Variants in TNFRSF21 observed in about 807,000 individuals in gnomAD.
TNFRSF21 encodes tumor necrosis factor receptor superfamily member 21.
A neutral mutation model predicts 45.6 loss-of-function variants in TNFRSF21; 19 were observed. The ratio of observed to expected loss-of-function variants is 0.42; its 90% CI spans 0.29 to 0.61. The LOEUF is 0.61. TNFRSF21 is among the 20% of genes least tolerant of loss of function. The pLI, the probability that TNFRSF21 is intolerant of heterozygous loss-of-function variation, is 0.23. For missense variants in TNFRSF21, 737 were observed against 851.5 expected (o/e 0.87, Z 1.67); for synonymous variants, 314 against 335.5 (o/e 0.94, Z 0.70).
At chr6:47,286,910 G>A (rs1346773866) in intron 1 of TNFRSF21, among the ~76,000 whole-genome samples, 1 of 152,244 alleles carries the variant, frequency 6.6e-6, no homozygotes, top group African/African-American at 2.4e-5. Flanking sequence ...AAAATCAGTT[G>A]AGAATATGTA....
chr6:47,231,610 C>A lies in TNFRSF21; in HGVS notation c.*1155G>T, dbSNP rs1356251923. ...GATATCGGTCCTTCACCACTACCCA[C>A]AAACCCCACCCACACAAAGGGAGTC... On this transcript the variant is annotated 3_prime_UTR_variant, in exon 6 of 6. Coordinates refer to ENST00000296861, the MANE Select transcript of TNFRSF21 (RefSeq NM_014452.5). 1.3e-5 allele frequency: 2 copies of A among 152,622 alleles called. No homozygotes were observed. The highest frequency in any genetic ancestry group is 2.9e-5 in the Non-Finnish European group (2 of 68,034). 9.5% of individuals were successfully genotyped at this position (152,622 alleles called of 1,614,324 possible). A position where few individuals can be genotyped will look rare whatever the true frequency, so the allele number is the denominator to read the frequency against.
intron 4 of TNFRSF21, among the ~76,000 whole-genome samples, chr6:47,244,241 G>A (rs1186011142): frequency 3.4e-5 from 5 of 148,558 alleles, no homozygotes; most frequent in Admixed American, 1.4e-4. Context: ...GGAGAATGGC[G>A]TGAACCCGGG....
chr6:47,282,362 C>T (rs1449840554), intron 3 of TNFRSF21, among the ~76,000 whole-genome samples: 2 of 127,930 alleles, frequency 1.6e-5, no homozygotes, highest in Non-Finnish European at 3.2e-5. Flanking sequence ...CCAGCCTGAG[C>T]AACAAGAGCT....
chr6:47,262,550 G>A (rs1765088539), intron 3 of TNFRSF21, among the ~76,000 whole-genome samples: 2 of 152,230 alleles, frequency 1.3e-5, no homozygotes, highest in Admixed American at 1.3e-4. Context: ...GTGTTAGATA[G>A]GGAGGAGAGC....
intron 4 of TNFRSF21, among the ~76,000 whole-genome samples, chr6:47,239,310 A>AAG (rs1764712587): frequency 6.9e-6 from 1 of 145,224 alleles, no homozygotes; most frequent in African/African-American, 2.5e-5. Flanking sequence ...AAAAAAAAAA[A>AAG]GGAAACTGAA....
At chr6:47,236,579 C>T (rs759198082) in intron 4 of TNFRSF21, among the ~76,000 whole-genome samples, 2 of 152,210 alleles carry the variant, frequency 1.3e-5, no homozygotes, top group African/African-American at 2.4e-5. Flanking sequence ...GTTCCAACAG[C>T]GTTTTTCCTC....
At chr6:47,241,055 T>G (rs559856863) in intron 4 of TNFRSF21, among the ~76,000 whole-genome samples, 1 of 152,318 alleles carries the variant, frequency 6.6e-6, no homozygotes, top group East Asian at 1.9e-4. Context: ...TCTATAGGCC[T>G]ATACAGGCAT....
At chr6:47,288,959 C>T (rs1209993276) in intron 1 of TNFRSF21, among the ~76,000 whole-genome samples, 3 of 152,108 alleles carry the variant, frequency 2.0e-5, no homozygotes, top group South Asian at 2.1e-4. Flanking sequence ...CAAAGCTAGA[C>T]CCAGCAAGAG....
chr6:47,308,625 C>G (rs1762971780), intron 1 of TNFRSF21, among the ~76,000 whole-genome samples: 1 of 152,270 alleles, frequency 6.6e-6, no homozygotes, highest in Non-Finnish European at 1.5e-5. Flanking sequence ...TGCAGGGTCA[C>G]CTGCCTAGCC....
At chr6:47,264,610 C>T (rs77052845) in intron 3 of TNFRSF21, among the ~76,000 whole-genome samples, 16,008 of 152,158 alleles carry the variant, frequency 0.11, 897 homozygotes, top group East Asian at 0.15. Context: ...TCTCTGACTC[C>T]CAAGGTCGAA....
At chr6:47,267,067 A>G (rs941182701) in intron 3 of TNFRSF21, among the ~76,000 whole-genome samples, 2 of 149,776 alleles carry the variant, frequency 1.3e-5, no homozygotes, top group East Asian at 2.0e-4. Flanking sequence ...CAGACTACCC[A>G]TGCCACAGTC....
chr6:47,284,831 A>G (rs1762623574), intron 2 of TNFRSF21, among the ~76,000 whole-genome samples: 1 of 152,208 alleles, frequency 6.6e-6, no homozygotes, highest in African/African-American at 2.4e-5. Flanking sequence ...CCACCTTTTG[A>G]CTATTTTATG....
At chr6:47,301,644 C>G (rs894362987) in intron 1 of TNFRSF21, among the ~76,000 whole-genome samples, 1 of 152,090 alleles carries the variant, frequency 6.6e-6, no homozygotes, top group South Asian at 2.1e-4. Flanking sequence ...CCTACCAGAG[C>G]TGGTTGCTTA....
At chr6:47,239,923 A>G (rs752243968) in intron 4 of TNFRSF21, among the ~76,000 whole-genome samples, 1 of 152,214 alleles carries the variant, frequency 6.6e-6, no homozygotes, top group Admixed American at 6.5e-5. Context: ...CTGCTCAACG[A>G]AAGTTTACCA....
At chr6:47,256,247 G>T (rs1312996468) in intron 3 of TNFRSF21, among the ~76,000 whole-genome samples, 8 of 152,098 alleles carry the variant, frequency 5.3e-5, no homozygotes, top group Admixed American at 3.9e-4. Flanking sequence ...TAGAATGGAT[G>T]GGCAGGGTGG....
At chr6:47,249,816 T>G (rs185175046) in intron 4 of TNFRSF21, among the ~76,000 whole-genome samples, 56 of 152,276 alleles carry the variant, frequency 3.7e-4, no homozygotes, top group Admixed American at 1.4e-3. Flanking sequence ...GCATGTGTGT[T>G]GTAATCCCTT....
chr6:47,232,734 A>G lies in TNFRSF21; in HGVS notation c.*31T>C, dbSNP rs769141970. The G allele has an allele frequency of 8.1e-6, 13 of 1,595,414 alleles. No individual in the cohort carries two copies. In the South Asian group the frequency reaches 1.5e-4, roughly 18 times the overall value. On this transcript the variant is annotated 3_prime_UTR_variant, in exon 6 of 6. Coordinates refer to ENST00000296861, the MANE Select transcript of TNFRSF21 (RefSeq NM_014452.5). ...AAAAAACCACCCTGCCACTAAATTG[A>G]GTAATTTCCAGAATGCAGTATCCCT...
chr6:47,288,495 G>A (rs573695398), intron 1 of TNFRSF21, among the ~76,000 whole-genome samples: 1 of 151,432 alleles, frequency 6.6e-6, no homozygotes, highest in South Asian at 2.1e-4. Context: ...TCGTTGAGCT[G>A]TACACATAAA....
chr6:47,302,704 G>A (rs1448039082), intron 1 of TNFRSF21, among the ~76,000 whole-genome samples: 1 of 152,180 alleles, frequency 6.6e-6, no homozygotes, highest in Non-Finnish European at 1.5e-5. Flanking sequence ...TTTCTGGAAA[G>A]AGAATGTTCA....
Sources: allele counts gnomAD v4.1 joint callset (sites outside exome capture counted in the v4.1 genomes callset), GRCh38; gene constraint gnomAD v4.1.1; transcripts MANE v1.5; gene names NCBI Gene and HGNC (gene_info 2026-07-23, HGNC 2026-07-21).